Variants in DSCAML1 observed in about 807,000 individuals in gnomAD.
The protein encoded by DSCAML1 is cell adhesion molecule DSCAML1.
A neutral mutation model predicts 200.5 loss-of-function variants in DSCAML1; 38 were observed. That is an observed-to-expected ratio of 0.19 (90% CI 0.15 to 0.25). DSCAML1 has a LOEUF of 0.25. Among genes scored for constraint, DSCAML1 ranks in the 10% least tolerant of loss-of-function variants. The probability of loss-of-function intolerance (pLI) is 1.00; values close to 1 mark genes in which losing one functional copy is unlikely to be tolerated. For missense variants in DSCAML1, 2,223 were observed against 2,858.8 expected, an observed-to-expected ratio of 0.78 and a Z score of 5.07; for synonymous variants, 1,215 against 1,165.0, an observed-to-expected ratio of 1.04 and a Z score of -0.87.
chr11:117,473,194 G>T (rs568624912), intron 14 of DSCAML1, among the ~76,000 whole-genome samples: 6 of 151,980 alleles, frequency 3.9e-5, no homozygotes, highest in African/African-American at 9.7e-5. Flanking sequence ...ATTTTTTTTT[G>T]GTTAAAACTA....
At position 117,810,855 on chromosome 11, in the gene DSCAML1, C is replaced by G. The variant is rs1270543210; in HGVS notation, c.-250+6535G>C. Among the ~76,000 whole-genome samples the G allele has an allele frequency of 2.6e-5, 4 of 152,120 alleles. No homozygotes were observed. The South Asian group carries it at 6.2e-4, about 24-fold the overall frequency. On this transcript the variant is annotated intron_variant, in intron 1 of 2. Transcript: ENST00000525836. ...CCTAGTCTCTGTGCCCAGTGCAACT[C>G]GTCCCAAATCTTCCTTCTTTCCCTC...
Position 117,428,445 on chromosome 11 carries a change from GC to G in DSCAML1, c.6044del (p.Gly2015AlafsTer16). ...TGGAGCCCCCCATTTTGGTGTGTGG[GC>G]CCCCGGCTCGTGGAGGCTCGGTGCT... ...APSTEPPRAG[G>X]PHTKMGGSRD... On this transcript the variant is annotated frameshift_variant, in exon 33 of 33. Transcript: ENST00000651296. LOFTEE classifies it high-confidence loss of function. 1.9e-6 allele frequency: 3 copies of G among 1,538,848 alleles called. No individual in the cohort carries two copies. The highest frequency in any genetic ancestry group is 2.6e-6 in the Non-Finnish European group (3 of 1,144,728).
intron 1 of DSCAML1, among the ~76,000 whole-genome samples, chr11:117,806,417 C>T (rs2055707614): frequency 1.3e-5 from 2 of 152,328 alleles, no homozygotes; most frequent in South Asian, 4.1e-4. Context: ...AAAGACTCAT[C>T]GGTCCAAACT....
At position 117,479,249 on chromosome 11, in the gene DSCAML1, C is replaced by T. The variant is rs1328395640; in HGVS notation, c.2785+1194G>A. Among the ~76,000 whole-genome samples the T allele has an allele frequency of 3.3e-5, 5 of 152,356 alleles. 1 individual carries two copies. In the South Asian group the frequency reaches 6.2e-4, roughly 19 times the overall value. ...AGGGTCTGGAAGCTTCAGGAGAAAA[C>T]GAAACCTTCCATCTAAGTAAGGACC... On this transcript the variant is annotated intron_variant, in intron 14 of 32. Transcript: ENST00000651296.
intron 3 of DSCAML1, among the ~76,000 whole-genome samples, chr11:117,690,863 C>T (rs2053481768): frequency 6.6e-6 from 1 of 152,220 alleles, no homozygotes; most frequent in Non-Finnish European, 1.5e-5. Context: ...GCTCTGGGCT[C>T]ACCCTGCTTC....
At chr11:117,722,873 A>G (rs1421629182) in intron 3 of DSCAML1, among the ~76,000 whole-genome samples, 1 of 152,164 alleles carries the variant, frequency 6.6e-6, no homozygotes, top group Admixed American at 6.5e-5. Flanking sequence ...TAGTTCCCAC[A>G]TATTCCTATT....
intron 3 of DSCAML1, among the ~76,000 whole-genome samples, chr11:117,563,155 G>C (rs2050696244): frequency 6.6e-6 from 1 of 152,212 alleles, no homozygotes; most frequent in African/African-American, 2.4e-5. Flanking sequence ...TCCTGGAGTG[G>C]AGGGTGCTTG....
At position 117,433,233 on chromosome 11, in the gene DSCAML1, G is replaced by A; in HGVS notation, c.4931C>T (p.Thr1644Ile). 1.2e-6 allele frequency: 2 copies of A among 1,612,564 alleles called. No individual in the cohort carries two copies. Among genetic ancestry groups the A allele is most frequent in the African/African-American group, 1.3e-5 (1 of 74,916 alleles). The part of the protein sequence containing the change: ...LISKNNRSFD[T>I]PVKGPPQGPR... ...GCCCTGGGGTGGCCCTTTCACAGGG[G>A]TGTCAAAGCTTCTATTGTTCTTGCT... Residue 1644 changes from threonine to isoleucine, a missense_variant, in exon 29 of 33, where the codon ACC becomes ATC. Physicochemically the swap from Thr to Ile is moderately conservative, Grantham distance 89. Transcript: ENST00000651296.
intron 3 of DSCAML1, among the ~76,000 whole-genome samples, chr11:117,755,090 A>C (rs894690073): frequency 1.3e-5 from 2 of 152,110 alleles, no homozygotes; most frequent in African/African-American, 4.8e-5. Flanking sequence ...CAAGGCCCCC[A>C]GCTCTGACAT....
At chr11:117,729,347 T>C (rs1371199935) in intron 3 of DSCAML1, among the ~76,000 whole-genome samples, 5 of 152,188 alleles carry the variant, frequency 3.3e-5, no homozygotes, top group Non-Finnish European at 7.3e-5. Context: ...TAAATCTTCA[T>C]GCCCTCAGAT....
chr11:117,737,970 A>G (rs1027958882), intron 3 of DSCAML1, among the ~76,000 whole-genome samples: 1 of 152,182 alleles, frequency 6.6e-6, no homozygotes, highest in African/African-American at 2.4e-5. Flanking sequence ...ATATGATCAG[A>G]TCTCTATTTT....
intron 1 of DSCAML1, among the ~76,000 whole-genome samples, chr11:117,816,262 C>T (rs1213758073): frequency 2.0e-5 from 3 of 152,218 alleles, no homozygotes; most frequent in Non-Finnish European, 2.9e-5. Flanking sequence ...CCAGTGCAGC[C>T]CTGGGCTCAG....
intron 3 of DSCAML1, among the ~76,000 whole-genome samples, chr11:117,569,339 G>A: frequency 6.6e-6 from 1 of 152,218 alleles, no homozygotes; most frequent in Non-Finnish European, 1.5e-5. Flanking sequence ...AACACCGAAA[G>A]CAATGGCAAC....
intron 1 of DSCAML1, among the ~76,000 whole-genome samples, chr11:117,787,168 C>T (rs1332547435): frequency 6.6e-6 from 1 of 152,212 alleles, no homozygotes; most frequent in South Asian, 2.1e-4. Context: ...GGCAAGACTG[C>T]CTCACCTTTC....
At chr11:117,435,576 GA>G (rs2047897954) in intron 27 of DSCAML1, 67 bp downstream of exon 27, 4 of 1,505,866 alleles carry the variant, frequency 2.7e-6, no homozygotes, top group Non-Finnish European at 3.6e-6. Context: ...GTGAGCCAGG[GA>G]AGGGGGGGGA....
At chr11:117,746,578 G>C (rs767792608) in intron 3 of DSCAML1, among the ~76,000 whole-genome samples, 1 of 152,168 alleles carries the variant, frequency 6.6e-6, no homozygotes, top group Non-Finnish European at 1.5e-5. Flanking sequence ...GCCATTGGGG[G>C]CATCTTTCTG....
In DSCAML1 at chr11:117,514,348, C is replaced by T. The variant is rs2049711070; in HGVS notation, c.1783+2119G>A. Among the ~76,000 whole-genome samples the T allele has an allele frequency of 2.0e-5, 3 of 152,188 alleles. No homozygotes were observed. In the South Asian group the frequency reaches 6.2e-4, roughly 32 times the overall value. On this transcript the variant is annotated intron_variant, in intron 8 of 32. Coordinates refer to ENST00000651296, the MANE Select transcript of DSCAML1 (RefSeq NM_020693.4). The stretch of plus-strand genomic sequence containing the variant: ...GGAAGCCCCCAGGTGACAGGGCCCT[C>T]AGAGTTCTCAAGGACTCTTGTCTCT...
chr11:117,587,640 A>G (rs1272300055), intron 3 of DSCAML1, among the ~76,000 whole-genome samples: 1 of 152,210 alleles, frequency 6.6e-6, no homozygotes, highest in African/African-American at 2.4e-5. Context: ...CATCACTGAG[A>G]TGATAAACTG....
intron 18 of DSCAML1, among the ~76,000 whole-genome samples, chr11:117,460,939 C>T (rs1475600634): frequency 6.6e-6 from 1 of 152,012 alleles, no homozygotes; most frequent in African/African-American, 2.4e-5. Context: ...TGGCTTCCTG[C>T]TGATGCTGGT....
Sources: gnomAD v4.1 joint callset for allele counts (sites outside exome capture counted in the v4.1 genomes callset) on GRCh38, gnomAD v4.1.1 for gene constraint, MANE v1.5 for transcripts, NCBI Gene and HGNC (gene_info 2026-07-23, HGNC 2026-07-21) for gene names.